The following RBM20 variants were observed in gnomAD, a reference collection of about 807,000 sequenced individuals.
RBM20 encodes the protein RNA binding motif protein 20.
Under a neutral mutation model 110.1 loss-of-function variants are expected in RBM20, and 51 were observed. The ratio of observed to expected loss-of-function variants is 0.46; its 90% CI spans 0.37 to 0.59. The LOEUF (loss-of-function observed/expected upper bound fraction) is 0.59. Ranked by LOEUF, RBM20 falls within the 20% of genes least tolerant of loss-of-function variation. The pLI, the probability that RBM20 is intolerant of heterozygous loss-of-function variation, is 0.00. For synonymous variants in RBM20, 589 were observed against 618.2 expected (o/e 0.95, Z 0.70); for missense variants, 1,512 against 1,574.9 (o/e 0.96, Z 0.68).
In RBM20 at chr10:110,746,704, G is replaced by C. The variant is rs1184846750; in HGVS notation, c.192-34097G>C. ...AGGGTCTGGGATTAGGGTTGCAATGGGCATTGGATGCCTCTTTCTCCCTGA... is the reference window on the plus strand; with the variant it reads ...AGGGTCTGGGATTAGGGTTGCAATGCGCATTGGATGCCTCTTTCTCCCTGA... On this transcript the variant is annotated intron_variant, in intron 1 of 13. Coordinates refer to ENST00000369519, the MANE Select transcript of RBM20 (RefSeq NM_001134363.3). Among the ~76,000 whole-genome samples the C allele has an allele frequency of 2.0e-5, 3 of 152,192 alleles. No homozygotes were observed. The East Asian group carries it at 5.8e-4, about 29-fold the overall frequency.
intron 8 of RBM20, among the ~76,000 whole-genome samples, chr10:110,812,043 TA>T (rs1227991266): frequency 6.6e-6 from 1 of 151,802 alleles, no homozygotes; most frequent in African/African-American, 2.4e-5. Flanking sequence ...GCAGAATGAG[TA>T]AAGGCACAGC....
chr10:110,647,153 A>G (rs1198749822), intron 1 of RBM20, among the ~76,000 whole-genome samples: 2 of 152,214 alleles, frequency 1.3e-5, no homozygotes, highest in South Asian at 4.1e-4. Context: ...TGGAAAAACC[A>G]TAGTAACAAT....
chr10:110,677,606 C>T (rs945827411), intron 1 of RBM20, among the ~76,000 whole-genome samples: 1 of 152,248 alleles, frequency 6.6e-6, no homozygotes, highest in African/African-American at 2.4e-5. Flanking sequence ...GCGTGAGCCA[C>T]CGCGCCCAGC....
chr10:110,728,378 AG>A, intron 1 of RBM20, among the ~76,000 whole-genome samples: 1 of 152,160 alleles, frequency 6.6e-6, no homozygotes, highest in Non-Finnish European at 1.5e-5. Context: ...GTACAATCTA[AG>A]GGTTTAGAGG....
intron 1 of RBM20, among the ~76,000 whole-genome samples, chr10:110,764,421 G>T (rs1844052139): frequency 6.6e-6 from 1 of 152,216 alleles, no homozygotes; most frequent in Non-Finnish European, 1.5e-5. Context: ...GTGCTCTCAG[G>T]AGACCTGTCT....
At chr10:110,716,692 T>A (rs1047077070) in intron 1 of RBM20, among the ~76,000 whole-genome samples, 1 of 151,954 alleles carries the variant, frequency 6.6e-6, no homozygotes, top group African/African-American at 2.4e-5. Flanking sequence ...GGTGGGCAGA[T>A]CCTGAGGTCA....
At position 110,698,846 on chromosome 10, in the gene RBM20, A is replaced by G. The variant is rs116701733; in HGVS notation, c.191+54201A>G. On this transcript the variant is annotated intron_variant, in intron 1 of 13. Transcript: ENST00000369519. ...CAGAGGATGGTGACCTTTCAGTGGT[A>G]TATGCCTGCTCTCAGCCCAGCCAGA... Among the ~76,000 whole-genome samples the G allele has an allele frequency of 3.7e-3, 564 of 152,332 alleles. 3 individuals carry two copies. Among genetic ancestry groups the G allele is most frequent in the African/African-American group, 0.013 (527 of 41,578 alleles).
chr10:110,756,991 A>G (rs573437132), intron 1 of RBM20, among the ~76,000 whole-genome samples: 20 of 152,330 alleles, frequency 1.3e-4, no homozygotes, highest in Admixed American at 7.8e-4. Context: ...TTTCAGGGAA[A>G]AACAACTTAC....
At position 110,781,150 on chromosome 10, in the gene RBM20, G is replaced by A. The variant is rs543478618; in HGVS notation, c.541G>A (p.Gly181Arg). ...FSPPSQTRGP[G>R]PSMNLPNQPP... ...ACCCCCCAGCCAGACACGAGGCCCCGGACCCTCCATGAACCTTCCCAACCA... is the reference window on the plus strand; with the variant it reads ...ACCCCCCAGCCAGACACGAGGCCCCAGACCCTCCATGAACCTTCCCAACCA... The change falls in exon 2 of 14, where the codon GGA becomes AGA. Residue 181 changes from glycine (G) to arginine (R), a missense_variant. Physicochemically the swap from Gly to Arg is moderately radical, Grantham distance 125. Coordinates refer to ENST00000369519, the MANE Select transcript of RBM20 (RefSeq NM_001134363.3). 240 of 1,551,564 alleles carry A rather than the reference G, an allele frequency of 1.5e-4. No homozygotes were observed. In the East Asian group the frequency reaches 5.6e-3, roughly 36 times the overall value.
At chr10:110,676,476 G>A (rs1451912991) in intron 1 of RBM20, among the ~76,000 whole-genome samples, 4 of 152,244 alleles carry the variant, frequency 2.6e-5, no homozygotes, top group Non-Finnish European at 4.4e-5. Flanking sequence ...GCTCTAAGAT[G>A]AAATGCTAAT....
At chr10:110,661,050 A>G (rs1046886158) in intron 1 of RBM20, among the ~76,000 whole-genome samples, 1 of 152,140 alleles carries the variant, frequency 6.6e-6, no homozygotes, top group African/African-American at 2.4e-5. Context: ...TTTACCCCCC[A>G]GGGCCTAGGA....
intron 9 of RBM20, among the ~76,000 whole-genome samples, chr10:110,813,387 A>G (rs544656517): frequency 1.3e-5 from 2 of 152,256 alleles, no homozygotes; most frequent in South Asian, 4.2e-4. Context: ...CCCAAGGGAG[A>G]TTAGATCTTT....
intron 7 of RBM20, among the ~76,000 whole-genome samples, chr10:110,808,742 T>C (rs1167128367): frequency 6.6e-6 from 1 of 152,152 alleles, no homozygotes; most frequent in East Asian, 1.9e-4. Flanking sequence ...TCCTCCTTCA[T>C]TCTCACCTTT....
intron 1 of RBM20, among the ~76,000 whole-genome samples, chr10:110,646,189 C>G (rs956130786): frequency 1.3e-5 from 2 of 152,146 alleles, no homozygotes; most frequent in African/African-American, 2.4e-5. Context: ...TTACCCTGCA[C>G]TTTTCTATTA....
chr10:110,762,668 C>T (rs917786732), intron 1 of RBM20, among the ~76,000 whole-genome samples: 28 of 152,324 alleles, frequency 1.8e-4, no homozygotes, highest in African/African-American at 6.0e-4. Flanking sequence ...AAGGTAGGCA[C>T]GGTCCTCATC....
At chr10:110,653,955 G>T (rs1374176630) in intron 1 of RBM20, among the ~76,000 whole-genome samples, 2 of 152,200 alleles carry the variant, frequency 1.3e-5, no homozygotes, top group African/African-American at 4.8e-5. Flanking sequence ...TGATATGGCT[G>T]TGACTGTTGT....
At chr10:110,700,242 C>T (rs1009580919) in intron 1 of RBM20, among the ~76,000 whole-genome samples, 3 of 152,110 alleles carry the variant, frequency 2.0e-5, no homozygotes, top group African/African-American at 7.2e-5. Context: ...TCTGTTGAGC[C>T]TTTGGCATGA....
intron 1 of RBM20, among the ~76,000 whole-genome samples, chr10:110,760,425 C>CTTTTTTTTTTTTTTTTTTTTTTT (rs541027608): frequency 1.7e-5 from 1 of 57,818 alleles, no homozygotes; most frequent in Non-Finnish European, 3.1e-5. Context: ...ATTCCATCAT[C>CTTTTTTTTTTTTTTTTTTTTTTT]TTTTTTTTTT....
intron 1 of RBM20, among the ~76,000 whole-genome samples, chr10:110,747,296 T>TA (rs1554895215): frequency 7.3e-6 from 1 of 136,812 alleles, no homozygotes; most frequent in Non-Finnish European, 1.6e-5. Flanking sequence ...ACTCTTTTTT[T>TA]GGGGGGGGGG....
Sources: allele counts gnomAD v4.1 joint callset (sites outside exome capture counted in the v4.1 genomes callset), GRCh38; gene constraint gnomAD v4.1.1; transcripts MANE v1.5; gene names NCBI Gene and HGNC (gene_info 2026-07-23, HGNC 2026-07-21).